Variants in HLCS observed in about 807,000 individuals in gnomAD.
The protein encoded by HLCS is holocarboxylase synthetase, also known as biotin--protein ligase.
In HLCS, 53 loss-of-function variants were observed where a neutral mutation model predicts 75.0. The ratio of observed to expected loss-of-function variants is 0.71; its 90% CI spans 0.57 to 0.89. HLCS has a LOEUF of 0.89. Among genes scored for constraint, HLCS ranks in the 40% least tolerant of loss-of-function variants. HLCS has a pLI of 0.00. For missense variants in HLCS, 966 were observed against 1,074.0 expected, an observed-to-expected ratio of 0.90 and a Z score of 1.41; for synonymous variants, 431 against 428.6, an observed-to-expected ratio of 1.01 and a Z score of -0.07.
At chr21:36,808,910 C>T (rs1682164567) in intron 6 of HLCS, among the ~76,000 whole-genome samples, 3 of 152,038 alleles carry the variant, frequency 2.0e-5, no homozygotes, top group Non-Finnish European at 4.4e-5. Context: ...GATATTTCTA[C>T]AAGATATAAA....
intron 6 of HLCS, among the ~76,000 whole-genome samples, chr21:36,895,060 C>T (rs576626399): frequency 7.9e-5 from 12 of 152,118 alleles, no homozygotes; most frequent in East Asian, 1.9e-4. Context: ...CTCTTGGTGA[C>T]GCGCTGCCCT....
In HLCS at chr21:36,753,214, T is replaced by A. The variant is rs1272510307; in HGVS notation, c.*1032A>T. ...CATCCTCCCTCTGAACTGATGGTGT[T>A]TAGTATCGATAACATTTTCTTTCTT... On this transcript the variant is annotated 3_prime_UTR_variant, in exon 11 of 11. Coordinates refer to ENST00000674895, the MANE Select transcript of HLCS (RefSeq NM_001352514.2). This position sits in a 1 kb window ranked among gnomAD's most constrained non-coding sequence, Gnocchi z 4.3. The A allele has an allele frequency of 6.6e-6, 1 of 152,632 alleles. No homozygotes were observed. Among genetic ancestry groups the A allele is most frequent in the Non-Finnish European group, 1.5e-5 (1 of 68,046 alleles). 9.5% of individuals were successfully genotyped at this position (152,632 alleles called of 1,614,324 possible). A position where few individuals can be genotyped will look rare whatever the true frequency, so the allele number is the denominator to read the frequency against.
At chr21:36,917,894 G>C (rs1277586195) in intron 5 of HLCS, among the ~76,000 whole-genome samples, 1 of 150,748 alleles carries the variant, frequency 6.6e-6, no homozygotes, top group Non-Finnish European at 1.5e-5. Flanking sequence ...TCCAAACGAA[G>C]GTGTGACTTT....
At chr21:36,980,300 G>A (rs2069081686) in intron 1 of HLCS, 2 of 151,972 alleles carry the variant, frequency 1.3e-5, no homozygotes, top group Non-Finnish European at 2.9e-5. Flanking sequence ...GTTTCCAGAA[G>A]AGGCCAAGAA....
intron 6 of HLCS, among the ~76,000 whole-genome samples, chr21:36,817,690 T>C (rs781603362): frequency 2.6e-5 from 4 of 152,230 alleles, no homozygotes; most frequent in Non-Finnish European, 5.9e-5. Context: ...GGATTTGGTA[T>C]AAGCTTCTTT....
chr21:36,873,095 ACTT>A (rs1300328449), intron 6 of HLCS, among the ~76,000 whole-genome samples: 2 of 151,242 alleles, frequency 1.3e-5, no homozygotes, highest in Admixed American at 6.6e-5. Flanking sequence ...GGATTATTAC[ACTT>A]ATTATACTGC....
At chr21:36,989,096 C>T (rs1014824773) in intron 1 of HLCS, among the ~76,000 whole-genome samples, 4 of 150,406 alleles carry the variant, frequency 2.7e-5, no homozygotes, top group African/African-American at 9.8e-5. Flanking sequence ...GAGTGCAGAG[C>T]CGCCATCTCT....
chr21:36,898,047 G>A (rs1411855823), intron 5 of HLCS, among the ~76,000 whole-genome samples: 1 of 152,202 alleles, frequency 6.6e-6, no homozygotes, highest in Non-Finnish European at 1.5e-5. Flanking sequence ...AGTGGCATCA[G>A]AGATGAAACT....
intron 5 of HLCS, among the ~76,000 whole-genome samples, chr21:36,925,402 T>C (rs956336959): frequency 4.6e-5 from 7 of 152,186 alleles, no homozygotes; most frequent in African/African-American, 1.7e-4. Context: ...AGCTTTTTCA[T>C]TTTGGAAAAA....
intron 6 of HLCS, among the ~76,000 whole-genome samples, chr21:36,804,524 T>C (rs2061308583): frequency 6.6e-6 from 1 of 152,124 alleles, no homozygotes; most frequent in African/African-American, 2.4e-5. Flanking sequence ...CCTAGGTAGC[T>C]GACTAAATGC....
intron 8 of HLCS, 40 bp from the exon 9 acceptor site, chr21:36,759,881 C>T: frequency 1.6e-6 from 2 of 1,268,262 alleles, no homozygotes; most frequent in Non-Finnish European, 2.3e-6. Context: ...CGTCACAGGA[C>T]ACAAGGGGCC....
At chr21:36,910,437 G>A (rs148895624) in intron 5 of HLCS, among the ~76,000 whole-genome samples, 3,241 of 152,056 alleles carry the variant, frequency 0.021, 123 homozygotes, top group African/African-American at 0.073. Context: ...TCCCAGCTAC[G>A]TGGGAGGCTG....
chr21:36,950,686 A>C (rs2067631861), intron 2 of HLCS, among the ~76,000 whole-genome samples: 1 of 152,000 alleles, frequency 6.6e-6, no homozygotes, highest in African/African-American at 2.4e-5. Context: ...TATGCTGCCC[A>C]GGCTGACCAG....
At chr21:36,968,027 A>AT (rs1179511431), upstream of HLCS, among the ~76,000 whole-genome samples, 3 of 144,086 alleles carry the variant, frequency 2.1e-5, no homozygotes, top group African/African-American at 7.8e-5. Context: ...GCTAGGATAG[A>AT]TTTTTTTTAA....
rs1177731520 is a variant in HLCS, at chr21:36,897,165, A to G, written c.1621-34T>C. 8 of 1,613,014 alleles carry G rather than the reference A, an allele frequency of 5.0e-6. No individual in the cohort carries two copies. The Admixed American group carries it at 1.3e-4, about 27-fold the overall frequency. On this transcript the variant is annotated intron_variant, in intron 5 of 10. Coordinates refer to ENST00000674895, the MANE Select transcript of HLCS (RefSeq NM_001352514.2). ...TAAAGAAAGAAATGAGATGGTCGTA[A>G]TTTGGCATTACATTAGATCATGGTA...
chr21:36,783,162 C>T (rs180926116), intron 6 of HLCS, among the ~76,000 whole-genome samples: 12 of 152,248 alleles, frequency 7.9e-5, no homozygotes, highest in South Asian at 2.1e-4. Flanking sequence ...GCAAAGCTGC[C>T]TCCAGAGCTA....
intron 4 of HLCS, among the ~76,000 whole-genome samples, chr21:36,935,372 A>C (rs942915918): frequency 1.1e-4 from 16 of 152,330 alleles, no homozygotes; most frequent in African/African-American, 3.8e-4. Flanking sequence ...AGAACAAGTG[A>C]GTCGGCTTTA....
chr21:36,936,028 G>A (rs374887526), intron 4 of HLCS, among the ~76,000 whole-genome samples: 23 of 152,290 alleles, frequency 1.5e-4, no homozygotes, highest in African/African-American at 4.3e-4. Flanking sequence ...GGTCACTGAC[G>A]TCTAGAATCA....
intron 6 of HLCS, among the ~76,000 whole-genome samples, chr21:36,779,748 T>C (rs1300228961): frequency 6.6e-6 from 1 of 152,186 alleles, no homozygotes; most frequent in East Asian, 1.9e-4. Context: ...GGTTATTTTA[T>C]TTGTCTGAAA....
Sources: gnomAD v4.1 joint callset for allele counts (sites outside exome capture counted in the v4.1 genomes callset) on GRCh38, gnomAD v4.1.1 for gene constraint, Gnocchi (gnomAD v3.1) non-coding constraint, MANE v1.5 for transcripts, NCBI Gene and HGNC (gene_info 2026-07-23, HGNC 2026-07-21) for gene names.